The following AKAP7 variants were observed in gnomAD, a reference collection of about 807,000 sequenced individuals.
The protein encoded by AKAP7 is A kinase (PRKA) anchor protein 7.
In AKAP7, 39 loss-of-function variants were observed where a neutral mutation model predicts 39.5. The ratio of observed to expected loss-of-function variants is 0.99; its 90% confidence interval spans 0.76 to 1.29. AKAP7 has a LOEUF of 1.29. Ranked by LOEUF, AKAP7 falls within the 50% of genes most tolerant of loss-of-function variation. The pLI is 0.00. For synonymous variants in AKAP7, 140 were observed against 139.1 expected (o/e 1.01, Z -0.05); for missense variants, 414 against 407.7 (o/e 1.02, Z -0.13).
chr6:131,127,375 T>C, the AKAP7 span, among the ~76,000 whole-genome samples: 4 of 152,184 alleles, frequency 2.6e-5, no homozygotes, highest in South Asian at 2.1e-4. Context: ...TATGTCATGA[T>C]GGCACTTGGA....
chr6:131,220,223 G>T (rs1249231667), intron 7 of AKAP7, among the ~76,000 whole-genome samples: 1 of 152,156 alleles, frequency 6.6e-6, no homozygotes, highest in African/African-American at 2.4e-5. Flanking sequence ...CTTGAGAAGA[G>T]AAAATATAGG....
intron 6 of AKAP7, among the ~76,000 whole-genome samples, chr6:131,205,710 C>T (rs1808031534): frequency 6.6e-6 from 1 of 152,164 alleles, no homozygotes; most frequent in African/African-American, 2.4e-5. Flanking sequence ...ATCTTTCTAA[C>T]ACCAGGAGAC....
chr6:131,146,681 T>C (rs762866966), intron 2 of AKAP7, among the ~76,000 whole-genome samples: 20 of 152,342 alleles, frequency 1.3e-4, no homozygotes, highest in South Asian at 4.1e-4. Flanking sequence ...TGGTTTGATA[T>C]GCTTTTTTCA....
intron 5 of AKAP7, chr6:131,184,375 C>A: frequency 1.5e-6 from 1 of 660,710 alleles, no homozygotes; most frequent in South Asian, 1.4e-5. Flanking sequence ...TTCAACAGGT[C>A]CAGACACAGG....
At chr6:131,176,216 A>G (rs1804562563) in intron 5 of AKAP7, among the ~76,000 whole-genome samples, 1 of 151,586 alleles carries the variant, frequency 6.6e-6, no homozygotes, top group African/African-American at 2.4e-5. Flanking sequence ...CACTTGAGGG[A>G]GCAGGTAAGG....
intron 7 of AKAP7, among the ~76,000 whole-genome samples, chr6:131,236,522 T>A (rs1038789665): frequency 8.5e-5 from 13 of 152,250 alleles, no homozygotes; most frequent in African/African-American, 3.1e-4. Context: ...CAATATTGAT[T>A]CTTCCTACCC....
At chr6:131,213,364 A>G (rs1157955240) in intron 6 of AKAP7, among the ~76,000 whole-genome samples, 2 of 152,234 alleles carry the variant, frequency 1.3e-5, no homozygotes, top group African/African-American at 2.4e-5. Context: ...ATTGATTAGA[A>G]GGAAAAAGCT....
At chr6:131,204,434 A>G (rs1304650908) in intron 6 of AKAP7, among the ~76,000 whole-genome samples, 1 of 152,214 alleles carries the variant, frequency 6.6e-6, no homozygotes, top group Non-Finnish European at 1.5e-5. Context: ...TGTATACTGT[A>G]ATTAAAATTG....
intron 7 of AKAP7, among the ~76,000 whole-genome samples, chr6:131,224,366 GTCAATTTC>G (rs1809966003): frequency 6.6e-6 from 1 of 151,996 alleles, no homozygotes; most frequent in East Asian, 1.9e-4. Flanking sequence ...CAAATTTAAT[GTCAATTTC>G]TTGAGGCTTG....
At chr6:131,145,025 A>G (rs1363091313) in intron 1 of AKAP7, among the ~76,000 whole-genome samples, 1 of 152,182 alleles carries the variant, frequency 6.6e-6, no homozygotes, top group Non-Finnish European at 1.5e-5. Context: ...AGGATTATTG[A>G]TTGACTCAGT....
chr6:131,238,175 T>C (rs1221985822), intron 7 of AKAP7, among the ~76,000 whole-genome samples: 1 of 152,232 alleles, frequency 6.6e-6, no homozygotes, highest in Non-Finnish European at 1.5e-5. Context: ...CCAGTAGTCA[T>C]TCAGGAGCAG....
chr6:131,209,058 A>T (rs1331277820), intron 6 of AKAP7, among the ~76,000 whole-genome samples: 1 of 152,204 alleles, frequency 6.6e-6, no homozygotes, highest in Non-Finnish European at 1.5e-5. Flanking sequence ...TAGTCTACTC[A>T]GCATTGTTTC....
chr6:131,247,484 C>T (rs1176910270), intron 7 of AKAP7, among the ~76,000 whole-genome samples: 1 of 150,782 alleles, frequency 6.6e-6, no homozygotes, highest in Non-Finnish European at 1.5e-5. Context: ...CACCACCATG[C>T]CTGGTTAATT....
intron 4 of AKAP7, among the ~76,000 whole-genome samples, chr6:131,166,403 A>G (rs1441851151): frequency 6.6e-6 from 1 of 152,252 alleles, no homozygotes; most frequent in Non-Finnish European, 1.5e-5. Flanking sequence ...CCAGAGAAAC[A>G]GCACCAATAG....
At chr6:131,238,660 A>G (rs1273112907) in intron 7 of AKAP7, among the ~76,000 whole-genome samples, 8 of 152,152 alleles carry the variant, frequency 5.3e-5, no homozygotes, top group African/African-American at 4.8e-5. Flanking sequence ...CCATTATGTC[A>G]TGACCTTCTT....
At chr6:131,251,978 C>A (rs1313393742) in intron 7 of AKAP7, among the ~76,000 whole-genome samples, 1 of 152,232 alleles carries the variant, frequency 6.6e-6, no homozygotes. Context: ...ATAGTGAATT[C>A]TTTCCCCACC....
chr6:131,144,891 A>G (rs1241315530), intron 1 of AKAP7, among the ~76,000 whole-genome samples: 1 of 152,240 alleles, frequency 6.6e-6, no homozygotes, highest in African/African-American at 2.4e-5. Context: ...TTGTACAAAT[A>G]AGAACACATA....
At chr6:131,247,296 T>TTC (rs1562241751) in intron 7 of AKAP7, among the ~76,000 whole-genome samples, 1 of 126,366 alleles carries the variant, frequency 7.9e-6, no homozygotes, top group Admixed American at 7.7e-5. Flanking sequence ...TATATATATA[T>TTC]ATATATATAT....
chr6:131,231,760 A>G (rs67021539), intron 7 of AKAP7, among the ~76,000 whole-genome samples: 43,835 of 152,080 alleles, frequency 0.29, 6,789 homozygotes, highest in Middle Eastern at 0.39. Flanking sequence ...TACCTAAGAA[A>G]GTATAATGTT....
Sources: allele counts gnomAD v4.1 joint callset (sites outside exome capture counted in the v4.1 genomes callset), GRCh38; gene constraint gnomAD v4.1.1; transcripts MANE v1.5; gene names NCBI Gene and HGNC (gene_info 2026-07-23, HGNC 2026-07-21).